The following MCUB variants were observed in gnomAD, a reference collection of about 807,000 sequenced individuals.
The protein encoded by MCUB is calcium uniporter regulatory subunit MCUb, mitochondrial.
In MCUB, 46 loss-of-function variants were observed where a neutral mutation model predicts 41.4. The observed-to-expected ratio is 1.11, with a 90% CI of 0.88 to 1.42. The LOEUF (loss-of-function observed/expected upper bound fraction) is 1.42. MCUB is among the 40% of genes most tolerant of loss of function. MCUB has a pLI of 0.00. For synonymous variants in MCUB, 148 were observed against 148.2 expected, an observed-to-expected ratio of 1.00 and a Z score of 0.01; for missense variants, 403 against 404.9, an observed-to-expected ratio of 1.00 and a Z score of 0.04.
chr4:109,659,835 T>C (rs1729188460), intron 2 of MCUB, among the ~76,000 whole-genome samples: 1 of 152,124 alleles, frequency 6.6e-6, no homozygotes, highest in Admixed American at 6.5e-5. Flanking sequence ...TTTTCGTATA[T>C]TTTGTAGAGA....
intron 1 of MCUB, among the ~76,000 whole-genome samples, chr4:109,623,089 A>G (rs1728288376): frequency 6.6e-6 from 1 of 152,198 alleles, no homozygotes; most frequent in Non-Finnish European, 1.5e-5. Flanking sequence ...TGAAGACGGC[A>G]AGGGATTAAT....
intron 1 of MCUB, among the ~76,000 whole-genome samples, chr4:109,651,147 A>C (rs1174827180): frequency 6.6e-6 from 1 of 152,130 alleles, no homozygotes; most frequent in Non-Finnish European, 1.5e-5. Context: ...TTAAACTTTA[A>C]ATTTATTCAG....
chr4:109,596,432 G>A (rs1362194715), intron 1 of MCUB, among the ~76,000 whole-genome samples: 9 of 147,938 alleles, frequency 6.1e-5, no homozygotes, highest in Non-Finnish European at 8.9e-5. Context: ...CATTAGCTGG[G>A]GGAGCCCATG....
intron 1 of MCUB, among the ~76,000 whole-genome samples, chr4:109,628,238 G>A (rs1264004326): frequency 6.6e-6 from 1 of 152,182 alleles, no homozygotes; most frequent in Non-Finnish European, 1.5e-5. Context: ...CAATGAAATT[G>A]TATTTAAGAA....
chr4:109,635,171 A>G (rs1009386331), intron 1 of MCUB, among the ~76,000 whole-genome samples: 1 of 152,206 alleles, frequency 6.6e-6, no homozygotes, highest in Non-Finnish European at 1.5e-5. Flanking sequence ...CATGGTATAT[A>G]TGAGTCACAT....
intron 1 of MCUB, among the ~76,000 whole-genome samples, chr4:109,611,208 G>A (rs1728001248): frequency 6.6e-6 from 1 of 152,202 alleles, no homozygotes; most frequent in African/African-American, 2.4e-5. Flanking sequence ...CTACCAGGAG[G>A]TGTTTCCAAG....
At chr4:109,678,243 ATC>A (rs1579096791) in intron 4 of MCUB, among the ~76,000 whole-genome samples, 1 of 151,646 alleles carries the variant, frequency 6.6e-6, no homozygotes. Context: ...TAACAATCTG[ATC>A]TCTCTTTCTT....
At chr4:109,587,808 G>A (rs1052084260) in intron 1 of MCUB, among the ~76,000 whole-genome samples, 1 of 151,968 alleles carries the variant, frequency 6.6e-6, no homozygotes, top group African/African-American at 2.4e-5. Flanking sequence ...AAGAGATATA[G>A]GCCTATCCTG....
intron 1 of MCUB, among the ~76,000 whole-genome samples, chr4:109,614,744 C>G (rs976220816): frequency 2.0e-5 from 3 of 151,618 alleles, no homozygotes; most frequent in Admixed American, 6.6e-5. Context: ...ATGTCCTGCC[C>G]TGTGGACCTC....
intron 1 of MCUB, among the ~76,000 whole-genome samples, chr4:109,613,211 A>G (rs1215225441): frequency 1.3e-5 from 2 of 152,218 alleles, no homozygotes; most frequent in Non-Finnish European, 2.9e-5. Flanking sequence ...TAGAAAGTAG[A>G]GGGACAAATA....
chr4:109,619,427 G>C (rs1345418210), intron 1 of MCUB, among the ~76,000 whole-genome samples: 1 of 152,138 alleles, frequency 6.6e-6, no homozygotes, highest in Non-Finnish European at 1.5e-5. Context: ...AGTAACAAAG[G>C]CTGGGCGTGG....
chr4:109,661,916 C>A (rs1288406146), intron 3 of MCUB, among the ~76,000 whole-genome samples: 10 of 152,036 alleles, frequency 6.6e-5, no homozygotes, highest in Non-Finnish European at 1.5e-4. Context: ...ACCTGTAATC[C>A]CAGCTACTCA....
Position 109,687,841 on chromosome 4 carries a change from A to G in MCUB, c.*249A>G, listed in dbSNP as rs1729886062. On this transcript the variant is annotated 3_prime_UTR_variant, in exon 8 of 8. Transcript: ENST00000394650. ...CTGCTGTTAGCTAAAAATCCTTGTC[A>G]GCTTGTCCCACGTTTATTCTCTATG... 1 of 454,856 alleles carries G rather than the reference A, an allele frequency of 2.2e-6. No individual in the cohort carries two copies. Among genetic ancestry groups the G allele is most frequent in the South Asian group, 2.8e-5 (1 of 35,976 alleles). 28.2% of individuals were successfully genotyped at this position (454,856 alleles called of 1,614,324 possible).
chr4:109,584,918 G>C (rs901042706), intron 1 of MCUB, among the ~76,000 whole-genome samples: 11 of 152,298 alleles, frequency 7.2e-5, no homozygotes, highest in Admixed American at 1.3e-4. Context: ...TGAGAAGAAT[G>C]TATATTCTGT....
intron 1 of MCUB, among the ~76,000 whole-genome samples, chr4:109,656,349 C>A (rs1729098775): frequency 1.6e-5 from 2 of 123,996 alleles, no homozygotes; most frequent in South Asian, 2.6e-4. Flanking sequence ...AACTTTTACT[C>A]TCTACTTTTT....
At chr4:109,676,434 G>C (rs760387527) in intron 4 of MCUB, among the ~76,000 whole-genome samples, 2 of 152,134 alleles carry the variant, frequency 1.3e-5, no homozygotes, top group Non-Finnish European at 2.9e-5. Context: ...TTGAAATGAG[G>C]AATATCTTAC....
chr4:109,561,082 A>C (rs560485487), intron 1 of MCUB: 1 of 152,688 alleles, frequency 6.5e-6, no homozygotes, highest in African/African-American at 2.4e-5. Context: ...TTGGAGGAGT[A>C]GAGAGTGGAT....
chr4:109,657,135 C>T, intron 1 of MCUB, among the ~76,000 whole-genome samples: 1 of 150,190 alleles, frequency 6.7e-6, no homozygotes, highest in East Asian at 2.0e-4. Context: ...AGGAGAATCA[C>T]TTGAACCCAG....
intron 4 of MCUB, among the ~76,000 whole-genome samples, chr4:109,678,572 T>C (rs1353193643): frequency 7.4e-6 from 1 of 135,834 alleles, no homozygotes; most frequent in Non-Finnish European, 1.5e-5. Context: ...GCAGAGGAGC[T>C]CCTCACCTCC....
Sources: allele counts gnomAD v4.1 joint callset (sites outside exome capture counted in the v4.1 genomes callset), GRCh38; gene constraint gnomAD v4.1.1; transcripts MANE v1.5; gene names NCBI Gene and HGNC (gene_info 2026-07-23, HGNC 2026-07-21).